Variants in XKR9 observed in about 807,000 individuals in gnomAD.
XKR9 encodes XK-related protein 9.
XKR9 carries 32 observed loss-of-function variants against 32.0 expected under a neutral mutation model. That is an observed-to-expected ratio of 1.00 (90% CI 0.76 to 1.34). XKR9 has a LOEUF of 1.34. Among genes scored for constraint, XKR9 ranks in the 40% most tolerant of loss-of-function variants. XKR9 has a pLI of 0.00. For synonymous variants in XKR9, 168 were observed against 143.4 expected, an observed-to-expected ratio of 1.17 and a Z score of -1.22; for missense variants, 546 against 429.7, an observed-to-expected ratio of 1.27 and a Z score of -2.39.
At chr8:70,822,759 T>C in the XKR9 span, among the ~76,000 whole-genome samples, 2,259 of 151,982 alleles carry the variant, frequency 0.015, 51 homozygotes, top group African/African-American at 0.052. Context: ...TTTTTAAGAC[T>C]TTACCTACTT....
intron 3 of XKR9, among the ~76,000 whole-genome samples, chr8:70,702,492 C>T (rs1020262252): frequency 2.0e-5 from 3 of 152,044 alleles, no homozygotes; most frequent in African/African-American, 4.8e-5. Context: ...TTTTTAAGGT[C>T]TCCTTTTCCT....
the XKR9 span, among the ~76,000 whole-genome samples, chr8:70,844,912 C>A: frequency 5.3e-5 from 8 of 152,248 alleles, no homozygotes; most frequent in African/African-American, 1.9e-4. Flanking sequence ...GACCAAGGAT[C>A]TGCCTACCTA....
chr8:70,803,690 C>T, the XKR9 span, among the ~76,000 whole-genome samples: 1 of 152,178 alleles, frequency 6.6e-6, no homozygotes. Flanking sequence ...TTTTAGCCTG[C>T]TTCTGGGTCT....
intron 4 of XKR9, among the ~76,000 whole-genome samples, chr8:70,708,443 A>T (rs951191968): frequency 6.6e-6 from 1 of 152,108 alleles, no homozygotes; most frequent in African/African-American, 2.4e-5. Flanking sequence ...GATATAATTC[A>T]ATTGTCTAAC....
the XKR9 span, among the ~76,000 whole-genome samples, chr8:70,896,700 T>C: frequency 6.6e-6 from 1 of 151,972 alleles, no homozygotes; most frequent in Non-Finnish European, 1.5e-5. Flanking sequence ...TCCTTCTTTC[T>C]GCTTGGTTTG....
chr8:70,750,263 A>C (rs12681114), intron 2 of XKR9, among the ~76,000 whole-genome samples: 1 of 151,688 alleles, frequency 6.6e-6, no homozygotes, highest in Non-Finnish European at 1.5e-5. Context: ...TGAACTCTGC[A>C]TAGAATTTCT....
chr8:70,825,836 C>T, the XKR9 span, among the ~76,000 whole-genome samples: 3 of 152,050 alleles, frequency 2.0e-5, no homozygotes, highest in Non-Finnish European at 4.4e-5. Flanking sequence ...CTATTAACTT[C>T]CTAACTTCCT....
At chr8:71,012,647 A>T in the XKR9 span, among the ~76,000 whole-genome samples, 1 of 152,178 alleles carries the variant, frequency 6.6e-6, no homozygotes, top group Non-Finnish European at 1.5e-5. Context: ...TATGCCAGGC[A>T]TTGTACTAAG....
the XKR9 span, among the ~76,000 whole-genome samples, chr8:71,044,462 TAAATTACCTGAGTGAA>T: frequency 5.3e-5 from 8 of 152,090 alleles, no homozygotes; most frequent in Admixed American, 5.2e-4. Context: ...GCATGAAAAA[TAAATTACCTGAGTGAA>T]GCAATGATTA....
intron 3 of XKR9, 31 bp downstream of exon 3, chr8:70,681,361 T>G (rs763767069): frequency 6.4e-7 from 1 of 1,572,710 alleles, no homozygotes; most frequent in South Asian, 1.2e-5. Context: ...ATTACCACTG[T>G]TTTTCTTTTT....
chr8:70,706,964 G>A lies in XKR9; in HGVS notation c.304G>A (p.Ala102Thr), dbSNP rs1805738075. Residue 102 changes from alanine (A) to threonine (T), a missense_variant, in exon 4 of 5, where the codon GCA (alanine) becomes ACA (threonine). Ala to Thr is a moderately conservative substitution (Grantham distance 58, BLOSUM62 0). Coordinates refer to ENST00000408926, the MANE Select transcript of XKR9 (RefSeq NM_001011720.2). ...YWFALKRGYH[A>T]AFKYDSNTSN... is the part of the protein sequence containing the mutation. ...GTTTGCCTTAAAAAGGGGTTACCAT[G>A]CAGCTTTTAAATATGACAGCAATAC... is the stretch of plus-strand genomic sequence containing the variant. 6.2e-7 allele frequency: 1 copy of A among 1,612,724 alleles called. No individual in the cohort carries two copies. Among genetic ancestry groups the A allele is most frequent in the African/African-American group, 1.3e-5 (1 of 74,880 alleles).
At chr8:70,786,190 T>C (rs1807686692) in intron 2 of XKR9, among the ~76,000 whole-genome samples, 1 of 152,182 alleles carries the variant, frequency 6.6e-6, no homozygotes, top group Non-Finnish European at 1.5e-5. Flanking sequence ...TTTTGTGCTC[T>C]AACATGTGAT....
chr8:70,764,823 T>C (rs1035987778), intron 2 of XKR9, among the ~76,000 whole-genome samples: 1 of 152,184 alleles, frequency 6.6e-6, no homozygotes, highest in Non-Finnish European at 1.5e-5. Flanking sequence ...CTCCCACTTA[T>C]GAGTGAGAAC....
chr8:70,863,095 G>T, the XKR9 span, among the ~76,000 whole-genome samples: 1 of 152,140 alleles, frequency 6.6e-6, no homozygotes, highest in Non-Finnish European at 1.5e-5. Context: ...GTTGAGCGAG[G>T]TAGGAGCCAG....
At chr8:70,932,777 G>C in the XKR9 span, among the ~76,000 whole-genome samples, 1 of 151,990 alleles carries the variant, frequency 6.6e-6, no homozygotes, top group Admixed American at 6.6e-5. Context: ...CAGTCCCTTT[G>C]GATTAGGGCC....
At chr8:70,798,444 G>A in the XKR9 span, among the ~76,000 whole-genome samples, 5 of 151,882 alleles carry the variant, frequency 3.3e-5, no homozygotes. Context: ...ATAGATTCTG[G>A]GTATTAGCCA....
At chr8:70,820,934 G>A in the XKR9 span, among the ~76,000 whole-genome samples, 1 of 152,042 alleles carries the variant, frequency 6.6e-6, no homozygotes, top group East Asian at 1.9e-4. Context: ...CAAATCTCAT[G>A]TCCCTTTCAC....
the XKR9 span, among the ~76,000 whole-genome samples, chr8:70,900,484 G>C: frequency 2.4e-4 from 36 of 152,136 alleles, no homozygotes; most frequent in African/African-American, 6.5e-4. Context: ...AGCCACTCGG[G>C]AGTCTGAGGC....
At chr8:70,918,987 C>T in the XKR9 span, among the ~76,000 whole-genome samples, 2 of 151,790 alleles carry the variant, frequency 1.3e-5, no homozygotes, top group Non-Finnish European at 2.9e-5. Flanking sequence ...CTGTGTTTGC[C>T]AGGATGGTCT....
Sources: allele counts gnomAD v4.1 joint callset (sites outside exome capture counted in the v4.1 genomes callset), GRCh38; gene constraint gnomAD v4.1.1; transcripts MANE v1.5; gene names NCBI Gene and HGNC (gene_info 2026-07-23, HGNC 2026-07-21).